The following ZNF883 variants were observed in gnomAD, a reference collection of about 807,000 sequenced individuals.
ZNF883 encodes zinc finger protein 883.
downstream of ZNF883, among the ~76,000 whole-genome samples, chr9:112,992,158 T>C (rs980395263): frequency 5.3e-5 from 8 of 152,230 alleles, no homozygotes; most frequent in East Asian, 1.5e-3. Context: ...GACTTGTTGA[T>C]GTAGTTGTTT....
intron 2 of ZNF883, among the ~76,000 whole-genome samples, chr9:113,006,869 C>A (rs917608336): frequency 6.7e-6 from 1 of 149,288 alleles, no homozygotes; most frequent in Non-Finnish European, 1.5e-5. Context: ...TAGATTTTAT[C>A]TTTCTGAGCA....
chr9:112,993,321 T>C (rs1375254094), downstream of ZNF883, among the ~76,000 whole-genome samples: 1 of 152,228 alleles, frequency 6.6e-6, no homozygotes, highest in Non-Finnish European at 1.5e-5. Context: ...AACAGTCAGG[T>C]TCCACTCCCA....
At chr9:113,008,308 G>T (rs908810417) in intron 2 of ZNF883, among the ~76,000 whole-genome samples, 1 of 152,146 alleles carries the variant, frequency 6.6e-6, no homozygotes, top group African/African-American at 2.4e-5. Flanking sequence ...CAGATACCAG[G>T]GCTTTGAGAA....
intron 1 of ZNF883, among the ~76,000 whole-genome samples, 191 bp downstream of exon 1, chr9:113,011,959 C>G (rs1828543580): frequency 6.6e-6 from 1 of 152,096 alleles, no homozygotes; most frequent in South Asian, 2.1e-4. Flanking sequence ...GGATGCTGGC[C>G]CAGGTCACCA....
At chr9:113,011,969 A>G (rs532754673) in intron 1 of ZNF883, among the ~76,000 whole-genome samples, 181 bp downstream of exon 1, 1 of 151,994 alleles carries the variant, frequency 6.6e-6, no homozygotes, top group African/African-American at 2.4e-5. Context: ...CCAGGTCACC[A>G]CCACCCCTCC....
At chr9:112,991,615 G>T (rs1214071484) in intron 1 of ZNF883, among the ~76,000 whole-genome samples, 2 of 151,908 alleles carry the variant, frequency 1.3e-5, no homozygotes, top group African/African-American at 4.8e-5. Context: ...TGATCCAGAG[G>T]TGAGTTCAAG....
chr9:112,997,536 A>G (rs922289449), exon 1 of ZNF883: 7 of 1,614,106 alleles, frequency 4.3e-6, no homozygotes, highest in Non-Finnish European at 5.9e-6. Context: ...GCCTTTCCAC[A>G]TGCATTACAC....
At chr9:112,994,203 T>C (rs1266061024), downstream of ZNF883, among the ~76,000 whole-genome samples, 1 of 152,198 alleles carries the variant, frequency 6.6e-6, no homozygotes, top group Non-Finnish European at 1.5e-5. Flanking sequence ...CTGGGCAGGG[T>C]AGCACAATCA....
At chr9:112,996,660 G>A (rs368146273), downstream of ZNF883, among the ~76,000 whole-genome samples, 36 of 149,678 alleles carry the variant, frequency 2.4e-4, no homozygotes, top group African/African-American at 7.8e-4. Context: ...GCGTGGTAGC[G>A]GGCGCCTGTA....
At chr9:112,994,946 C>T (rs998875675), downstream of ZNF883, among the ~76,000 whole-genome samples, 1 of 151,918 alleles carries the variant, frequency 6.6e-6, no homozygotes, top group Admixed American at 6.6e-5. Flanking sequence ...TTATCTCATT[C>T]CTGTTTCGGT....
intron 1 of ZNF883, among the ~76,000 whole-genome samples, chr9:112,988,660 G>A (rs184557263): frequency 2.0e-4 from 31 of 152,122 alleles, no homozygotes; most frequent in Non-Finnish European, 4.4e-4. Flanking sequence ...TATTCCTTTG[G>A]GTATATACTC....
At chr9:112,998,138 T>C (rs1828383984) in exon 1 of ZNF883, 3 of 1,613,854 alleles carry the variant, frequency 1.9e-6, no homozygotes, top group African/African-American at 1.3e-5. Context: ...TTTACATTCA[T>C]AAGGTTTTTC....
At chr9:112,992,943 G>C (rs923356377), downstream of ZNF883, among the ~76,000 whole-genome samples, 6 of 152,070 alleles carry the variant, frequency 3.9e-5, no homozygotes, top group Non-Finnish European at 7.4e-5. Context: ...CCTCTCTACT[G>C]GTTTTTCTGG....
upstream of ZNF883, among the ~76,000 whole-genome samples, chr9:113,001,328 G>T (rs1028705808): frequency 1.3e-5 from 2 of 152,016 alleles, no homozygotes; most frequent in Admixed American, 1.3e-4. Context: ...GAACGGCAGA[G>T]AATGAATCAT....
At chr9:112,997,946 G>A in exon 1 of ZNF883, 2 of 1,613,726 alleles carry the variant, frequency 1.2e-6, no homozygotes, top group Non-Finnish European at 1.7e-6. Flanking sequence ...ATGACTAAAG[G>A]TTTTTTCACA....
At chr9:112,999,117 T>C (rs1396210547), upstream of ZNF883, 3 of 152,206 alleles carry the variant, frequency 2.0e-5, no homozygotes, top group Non-Finnish European at 4.4e-5. Flanking sequence ...CAGGATTAAG[T>C]AGAAGATATT....
chr9:112,997,021 C>T (rs940830001), downstream of ZNF883: 586 of 1,203,750 alleles, frequency 4.9e-4, 7 homozygotes, highest in Non-Finnish European at 9.4e-5. Context: ...AGTGTTTTGC[C>T]TAAGATTTTC....
downstream of ZNF883, among the ~76,000 whole-genome samples, chr9:112,994,085 A>G (rs1244291964): frequency 1.3e-5 from 2 of 152,034 alleles, no homozygotes. Flanking sequence ...GCTCTGTGGT[A>G]GGCTCTCTCT....
At chr9:112,990,155 G>C (rs1187310146) in intron 1 of ZNF883, among the ~76,000 whole-genome samples, 1 of 152,094 alleles carries the variant, frequency 6.6e-6, no homozygotes, top group East Asian at 1.9e-4. Flanking sequence ...ATACCATGTT[G>C]AATAGAAGTG....
Sources: gnomAD v4.1 joint callset for allele counts (sites outside exome capture counted in the v4.1 genomes callset) on GRCh38, gnomAD v4.1.1 for gene constraint, MANE v1.5 for transcripts, NCBI Gene and HGNC (gene_info 2026-07-23, HGNC 2026-07-21) for gene names.